The following TBC1D22A variants were observed in gnomAD, a reference collection of about 807,000 sequenced individuals.
TBC1D22A encodes the protein putative GTPase activator.
Under a neutral mutation model 60.2 loss-of-function variants are expected in TBC1D22A, and 38 were observed. The ratio of observed to expected loss-of-function variants is 0.63; its 90% CI spans 0.49 to 0.83. TBC1D22A has a LOEUF of 0.83. Ranked by LOEUF, TBC1D22A falls within the 40% of genes least tolerant of loss-of-function variation. TBC1D22A has a pLI of 0.00. For synonymous variants in TBC1D22A, 302 were observed against 281.7 expected (o/e 1.07, Z -0.72); for missense variants, 628 against 701.0 (o/e 0.90, Z 1.18).
At position 46,777,378 on chromosome 22, in the gene TBC1D22A, G is replaced by A. The variant is rs1014870448; in HGVS notation, c.62+14530G>A. 3.3e-5 allele frequency among the ~76,000 whole-genome samples: 5 copies of A among 152,108 alleles called. No homozygotes were observed. Among genetic ancestry groups the A allele is most frequent in the Admixed American group, 6.6e-5 (1 of 15,264 alleles). On this transcript the variant is annotated intron_variant, in intron 1 of 12. Coordinates refer to ENST00000337137, the MANE Select transcript of TBC1D22A (RefSeq NM_014346.5). This position sits in a 1 kb window ranked among gnomAD's most constrained non-coding sequence, Gnocchi z 4.5. The stretch of plus-strand genomic sequence containing the variant: ...GTGATGTTGTCCAAGGGTGGGGACC[G>A]AAGAGTGGGTGTGAGGAGTGGCCGG...
intron 12 of TBC1D22A, among the ~76,000 whole-genome samples, chr22:47,143,158 C>G (rs111894974): frequency 5.3e-5 from 8 of 152,160 alleles, no homozygotes; most frequent in Non-Finnish European, 2.9e-5. Context: ...CTCTCTCTCT[C>G]CCAGAAGGGG....
chr22:46,958,521 C>T (rs1161020052), intron 8 of TBC1D22A, among the ~76,000 whole-genome samples: 2 of 152,212 alleles, frequency 1.3e-5, no homozygotes, highest in East Asian at 1.9e-4. Context: ...GAGTCCTGGC[C>T]AGTTCCACCT....
intron 11 of TBC1D22A, among the ~76,000 whole-genome samples, chr22:47,040,275 A>G (rs1282204801): frequency 6.6e-6 from 1 of 152,122 alleles, no homozygotes; most frequent in African/African-American, 2.4e-5. Context: ...ACCCGATCTC[A>G]GGAGAGCTCA....
At position 46,942,960 on chromosome 22, in the gene TBC1D22A, A is replaced by G. The variant is rs959322619; in HGVS notation, c.1015+30772A>G. On this transcript the variant is annotated intron_variant, in intron 8 of 12. Coordinates refer to ENST00000337137, the MANE Select transcript of TBC1D22A (RefSeq NM_014346.5). ...TGGTGAAAGCAGAACATGCTTGCAC[A>G]CGGAGGTGCGTCACCCAGGACCGCA... Among the ~76,000 whole-genome samples the G allele has an allele frequency of 2.2e-4, 34 of 152,330 alleles. No homozygotes were observed. The South Asian group carries it at 2.5e-3, about 11-fold the overall frequency.
intron 8 of TBC1D22A, among the ~76,000 whole-genome samples, chr22:46,962,976 G>A (rs2073592695): frequency 6.6e-6 from 1 of 151,946 alleles, no homozygotes; most frequent in African/African-American, 2.4e-5. Context: ...CACTTTGGGA[G>A]GCTGAGGTTG....
chr22:46,990,300 A>T lies in TBC1D22A; in HGVS notation c.1126-7334A>T, dbSNP rs983772241. On this transcript the variant is annotated intron_variant, in intron 9 of 12. Transcript: ENST00000337137. The surrounding 1 kb of genome is among the most constrained non-coding windows in gnomAD (Gnocchi z 4.6). ...TTTTCTTATTTGTTCTTTTTTCCCT[A>T]CCTTCTTTGGATGAATTGATTATTT... 6.6e-6 allele frequency among the ~76,000 whole-genome samples: 1 copy of T among 151,136 alleles called. No individual in the cohort carries two copies. The highest frequency in any genetic ancestry group is 1.5e-5 in the Non-Finnish European group (1 of 67,736).
At chr22:46,892,367 T>C (rs1037882530) in intron 6 of TBC1D22A, among the ~76,000 whole-genome samples, 4 of 152,082 alleles carry the variant, frequency 2.6e-5, no homozygotes, top group Admixed American at 6.5e-5. Flanking sequence ...TTAAATGCCT[T>C]CCTGGACAGC....
intron 11 of TBC1D22A, among the ~76,000 whole-genome samples, chr22:47,043,021 T>C (rs1375112881): frequency 2.6e-5 from 4 of 152,202 alleles, no homozygotes; most frequent in Non-Finnish European, 5.9e-5. Flanking sequence ...CGTGCAGTTA[T>C]CAGCGCCTGC....
chr22:46,890,232 G>C (rs562539610), intron 5 of TBC1D22A, among the ~76,000 whole-genome samples: 1 of 152,012 alleles, frequency 6.6e-6, no homozygotes, highest in Non-Finnish European at 1.5e-5. Flanking sequence ...CCAGCTACTC[G>C]GGAGGCTGAG....
intron 12 of TBC1D22A, among the ~76,000 whole-genome samples, chr22:47,158,512 C>T (rs1246342904): frequency 6.6e-6 from 1 of 152,136 alleles, no homozygotes; most frequent in African/African-American, 2.4e-5. Flanking sequence ...CCAGCCCCGA[C>T]AGGTTCTTCA....
intron 12 of TBC1D22A, among the ~76,000 whole-genome samples, chr22:47,157,742 C>T (rs1473684601): frequency 6.6e-6 from 1 of 152,216 alleles, no homozygotes; most frequent in African/African-American, 2.4e-5. Context: ...CTCACCTTCT[C>T]TTCCCAAGGG....
intron 8 of TBC1D22A, among the ~76,000 whole-genome samples, chr22:46,922,267 A>G (rs1370008182): frequency 1.3e-5 from 2 of 152,094 alleles, no homozygotes; most frequent in Non-Finnish European, 2.9e-5. Context: ...TTATTGTGCC[A>G]TGTTACCAGT....
At chr22:46,916,046 G>A (rs1159741421) in intron 8 of TBC1D22A, 1 of 427,768 alleles carries the variant, frequency 2.3e-6, no homozygotes, top group Non-Finnish European at 4.6e-6. Context: ...ATCCCCCGAG[G>A]ATGAGGACAT....
At chr22:47,152,335 C>T (rs548353782) in intron 12 of TBC1D22A, among the ~76,000 whole-genome samples, 1 of 152,262 alleles carries the variant, frequency 6.6e-6, no homozygotes, top group East Asian at 1.9e-4. Flanking sequence ...CAGCCTCCTA[C>T]GGGGTTCCCC....
At chr22:46,802,411 G>C (rs898204024) in intron 4 of TBC1D22A, among the ~76,000 whole-genome samples, 1 of 152,236 alleles carries the variant, frequency 6.6e-6, no homozygotes, top group East Asian at 1.9e-4. Flanking sequence ...CACGGAGTCA[G>C]GTATTTGAAG....
intron 9 of TBC1D22A, among the ~76,000 whole-genome samples, chr22:46,986,711 G>T (rs1313313709): frequency 7.7e-5 from 6 of 78,080 alleles, no homozygotes; most frequent in Non-Finnish European, 1.2e-4. Context: ...TGATATGCTA[G>T]GGGTATATAC....
chr22:47,019,621 A>G (rs903060272), intron 10 of TBC1D22A, among the ~76,000 whole-genome samples: 1 of 151,548 alleles, frequency 6.6e-6, no homozygotes, highest in Admixed American at 6.6e-5. Flanking sequence ...AGGCAGGGGT[A>G]GTGATATGGG....
intron 11 of TBC1D22A, among the ~76,000 whole-genome samples, chr22:47,095,146 G>A (rs146024285): frequency 6.6e-6 from 1 of 152,260 alleles, no homozygotes; most frequent in Non-Finnish European, 1.5e-5. Flanking sequence ...GCTGGTAATT[G>A]TGAAACACAG....
At chr22:47,127,397 T>TG (rs1456005203) in intron 12 of TBC1D22A, among the ~76,000 whole-genome samples, 1 of 146,644 alleles carries the variant, frequency 6.8e-6, no homozygotes, top group Non-Finnish European at 1.5e-5. Flanking sequence ...CCAGCTGATT[T>TG]TTTTTTTTTT....
Sources: allele counts gnomAD v4.1 joint callset (sites outside exome capture counted in the v4.1 genomes callset), GRCh38; gene constraint gnomAD v4.1.1; non-coding constraint Gnocchi (gnomAD v3.1); transcripts MANE v1.5; gene names NCBI Gene and HGNC (gene_info 2026-07-23, HGNC 2026-07-21).